CTNNA3: variants seen among roughly 807,000 people sequenced by gnomAD.
CTNNA3 encodes the protein catenin alpha 3.
In CTNNA3, 76 loss-of-function variants were observed where a neutral mutation model predicts 95.7. The observed-to-expected ratio is 0.79, with a 90% CI of 0.66 to 0.96. CTNNA3 has a LOEUF of 0.96. Among genes scored for constraint, CTNNA3 ranks in the 40% least tolerant of loss-of-function variants. The pLI, the probability that CTNNA3 is intolerant of heterozygous loss-of-function variation, is 0.00. For synonymous variants in CTNNA3, 431 were observed against 374.4 expected (o/e 1.15, Z -1.74); for missense variants, 1,191 against 1,089.8 (o/e 1.09, Z -1.31).
intron 1 of CTNNA3, among the ~76,000 whole-genome samples, chr10:67,678,738 T>C (rs1840576117): frequency 2.0e-5 from 3 of 152,184 alleles, no homozygotes; most frequent in African/African-American, 7.2e-5. Flanking sequence ...ACAGATGGTA[T>C]ACAAGGAGCC....
chr10:67,008,018 A>C (rs909451826), intron 7 of CTNNA3, among the ~76,000 whole-genome samples: 2 of 152,050 alleles, frequency 1.3e-5, no homozygotes, highest in African/African-American at 4.8e-5. Flanking sequence ...AATTAATCAC[A>C]GTATAAGAAC....
intron 7 of CTNNA3, among the ~76,000 whole-genome samples, chr10:66,995,057 T>A (rs1267749413): frequency 6.6e-6 from 1 of 152,138 alleles, no homozygotes; most frequent in Non-Finnish European, 1.5e-5. Flanking sequence ...TAAATCTAGA[T>A]CTCTAGCCCA....
In CTNNA3 at chr10:67,350,910, G is replaced by GTGTATATATATATATA. The variant is rs146861544; in HGVS notation, c.580-131041_580-131040insTATATATATATATACA. ...AAATCTGTATGTGAAAAAAGTATGT[G>GTGTATATATATATATA]TATATATATATATATATATATGCAT... On this transcript the variant is annotated intron_variant, in intron 5 of 17. Transcript: ENST00000433211. 6.4e-3 allele frequency among the ~76,000 whole-genome samples: 910 copies of GTGTATATATATATATA among 141,736 alleles called. 6 individuals carry two copies. Among genetic ancestry groups the GTGTATATATATATATA allele is most frequent in the African/African-American group, 0.022 (852 of 38,634 alleles). 93.0% of individuals were successfully genotyped at this position (141,736 alleles called of 152,430 possible).
intron 3 of CTNNA3, among the ~76,000 whole-genome samples, chr10:67,593,262 T>C (rs547665921): frequency 1.3e-5 from 2 of 152,316 alleles, no homozygotes; most frequent in East Asian, 1.9e-4. Flanking sequence ...CTATTGTAAA[T>C]AGTGCTGCAG....
At chr10:66,400,276 C>A (rs757281947) in intron 11 of CTNNA3, among the ~76,000 whole-genome samples, 1 of 152,008 alleles carries the variant, frequency 6.6e-6, no homozygotes, top group Non-Finnish European at 1.5e-5. Flanking sequence ...TGCTTTCTGG[C>A]AGCCAAGGCA....
chr10:66,750,007 T>TGGACAACCAAAGAAG (rs1294470220), intron 9 of CTNNA3, among the ~76,000 whole-genome samples: 3 of 152,242 alleles, frequency 2.0e-5, no homozygotes, highest in Admixed American at 6.5e-5. Flanking sequence ...GACATACGTA[T>TGGACAACCAAAGAAG]ATCTTCTTTG....
At chr10:65,941,885 A>T (rs971203776) in intron 17 of CTNNA3, among the ~76,000 whole-genome samples, 2 of 152,238 alleles carry the variant, frequency 1.3e-5, no homozygotes, top group African/African-American at 4.8e-5. Flanking sequence ...CAGCATTTTG[A>T]AAAGAATTAA....
chr10:67,759,259 C>T (rs1841450048), intron 1 of CTNNA3, among the ~76,000 whole-genome samples: 1 of 152,154 alleles, frequency 6.6e-6, no homozygotes, highest in Non-Finnish European at 1.5e-5. Flanking sequence ...CCAATTTGTA[C>T]TAAGTCCTCT....
chr10:66,218,634 T>C (rs896994251), intron 13 of CTNNA3, among the ~76,000 whole-genome samples: 3 of 152,202 alleles, frequency 2.0e-5, no homozygotes, highest in South Asian at 2.1e-4. Context: ...GCTAAGACAC[T>C]GCCAGATTCC....
intron 2 of CTNNA3, among the ~76,000 whole-genome samples, chr10:67,639,181 C>G (rs981373578): frequency 6.6e-6 from 1 of 152,118 alleles, no homozygotes; most frequent in East Asian, 1.9e-4. Flanking sequence ...GATATCACCG[C>G]CAATCCCACA....
chr10:67,710,179 G>A (rs1393951943), intron 1 of CTNNA3, among the ~76,000 whole-genome samples: 2 of 152,116 alleles, frequency 1.3e-5, no homozygotes, highest in African/African-American at 2.4e-5. Flanking sequence ...AGGAAGGAAA[G>A]AAGATAAATT....
At chr10:67,371,653 A>G (rs952517853) in intron 5 of CTNNA3, among the ~76,000 whole-genome samples, 2 of 152,056 alleles carry the variant, frequency 1.3e-5, no homozygotes, top group Non-Finnish European at 2.9e-5. Flanking sequence ...GTTGGTTCCA[A>G]GTCTTTGCTA....
chr10:67,059,233 C>T (rs1209555876), intron 7 of CTNNA3, among the ~76,000 whole-genome samples: 1 of 152,104 alleles, frequency 6.6e-6, no homozygotes, highest in Admixed American at 6.5e-5. Flanking sequence ...GCCAGATCAC[C>T]ATTTTCCAAA....
At chr10:67,574,282 T>C (rs1317021044) in intron 3 of CTNNA3, among the ~76,000 whole-genome samples, 1 of 152,156 alleles carries the variant, frequency 6.6e-6, no homozygotes, top group Non-Finnish European at 1.5e-5. Flanking sequence ...TTGATTGATT[T>C]ATTTAAGGAA....
chr10:67,700,586 T>C (rs1227288267), upstream of CTNNA3, among the ~76,000 whole-genome samples: 8 of 152,086 alleles, frequency 5.3e-5, no homozygotes, highest in Non-Finnish European at 8.8e-5. Flanking sequence ...GAAGGAAAAC[T>C]AACAAACAGA....
chr10:67,059,919 A>G (rs1042987384), intron 7 of CTNNA3, among the ~76,000 whole-genome samples: 3 of 152,212 alleles, frequency 2.0e-5, no homozygotes, highest in Non-Finnish European at 4.4e-5. Flanking sequence ...ACACCAAAAA[A>G]TAGAAGACAC....
At chr10:66,493,896 C>T (rs10822838) in intron 11 of CTNNA3, among the ~76,000 whole-genome samples, 48,056 of 141,670 alleles carry the variant, frequency 0.34, 9,478 homozygotes, top group Non-Finnish European at 0.43. Flanking sequence ...TGAGCCACTG[C>T]GCCGGCCTTT....
At chr10:66,843,234 T>C (rs1300074486) in intron 7 of CTNNA3, among the ~76,000 whole-genome samples, 1 of 152,136 alleles carries the variant, frequency 6.6e-6, no homozygotes, top group Non-Finnish European at 1.5e-5. Flanking sequence ...CAGGGGGGTT[T>C]ACGGGCTCAC....
intron 7 of CTNNA3, among the ~76,000 whole-genome samples, chr10:67,150,263 C>T (rs541213653): frequency 6.6e-6 from 1 of 152,214 alleles, no homozygotes; most frequent in East Asian, 1.9e-4. Flanking sequence ...TTGCAAACAT[C>T]ACATATAAGG....
Sources: allele counts gnomAD v4.1 joint callset (sites outside exome capture counted in the v4.1 genomes callset), GRCh38; gene constraint gnomAD v4.1.1; transcripts MANE v1.5; gene names NCBI Gene and HGNC (gene_info 2026-07-23, HGNC 2026-07-21).